The following SUDS3 variants were observed in gnomAD, a reference collection of about 807,000 sequenced individuals.
The protein encoded by SUDS3 is SIN3A corepressor complex component SDS3.
SUDS3 carries 23 observed loss-of-function variants against 53.5 expected under a neutral mutation model. That is an observed-to-expected ratio of 0.43 (90% CI 0.31 to 0.61). The LOEUF (loss-of-function observed/expected upper bound fraction) is 0.61, where lower values mean the gene tolerates loss of function less well. Among genes scored for constraint, SUDS3 ranks in the 20% least tolerant of loss-of-function variants. The pLI is 0.10. For synonymous variants in SUDS3, 150 were observed against 148.5 expected (o/e 1.01, Z -0.08); for missense variants, 291 against 405.9 (o/e 0.72, Z 2.43).
chr12:118,391,321 A>G, intron 6 of SUDS3, 39 bp downstream of exon 6: 2 of 1,568,604 alleles, frequency 1.3e-6, no homozygotes, highest in Non-Finnish European at 8.6e-7. Flanking sequence ...GGGGGCCCTG[A>G]GCGGGGGGGT....
chr12:118,382,548 G>C (rs1415067847), intron 2 of SUDS3, among the ~76,000 whole-genome samples: 1 of 151,816 alleles, frequency 6.6e-6, no homozygotes, highest in Non-Finnish European at 1.5e-5. Context: ...AAAATTTTTA[G>C]TAGAAACTAG....
In SUDS3 at chr12:118,399,515, A is replaced by T. The variant is rs150290326; in HGVS notation, c.518-1144A>T. 4.6e-4 allele frequency among the ~76,000 whole-genome samples: 70 copies of T among 152,162 alleles called. No homozygotes were observed. In the East Asian group the frequency reaches 0.013, roughly 28 times the overall value. On this transcript the variant is annotated intron_variant, in intron 6 of 11. Transcript: ENST00000543473. ...AGGCCCTGTCTTGAAAAAATAAGAA[A>T]TATTTAGTAACAAGAGTGATACACA...
At chr12:118,388,703 A>G (rs1479119874) in intron 4 of SUDS3, among the ~76,000 whole-genome samples, 2 of 152,162 alleles carry the variant, frequency 1.3e-5, no homozygotes, top group Non-Finnish European at 2.9e-5. Flanking sequence ...GGGAATGTGA[A>G]TAGGAGGTCA....
At chr12:118,405,470 T>A (rs770565785) in intron 10 of SUDS3, among the ~76,000 whole-genome samples, 9 of 152,252 alleles carry the variant, frequency 5.9e-5, no homozygotes, top group Non-Finnish European at 8.8e-5. Context: ...AGATTTGATG[T>A]GTTAGAACTC....
At position 118,414,449 on chromosome 12, in the gene SUDS3, T is replaced by C. The variant is rs2046383552; in HGVS notation, c.*16T>C. ...AGCTGCTTGACTTTCTACAGTGCTC[T>C]TCTCTTGACCCTTTTTCTGGAGTGG... On this transcript the variant is annotated 3_prime_UTR_variant, in exon 12 of 12. Transcript: ENST00000543473. 6.4e-7 allele frequency: 1 copy of C among 1,551,126 alleles called. No homozygotes were observed. Among genetic ancestry groups the C allele is most frequent in the Non-Finnish European group, 8.7e-7 (1 of 1,151,404 alleles).
chr12:118,402,035 A>G (rs774236310), intron 9 of SUDS3, 31 bp downstream of exon 9: 1 of 1,613,498 alleles, frequency 6.2e-7, no homozygotes, highest in African/African-American at 1.3e-5. Flanking sequence ...CATTTGTGCA[A>G]CCTTTTTATC....
chr12:118,391,742 A>G (rs1938578740), intron 6 of SUDS3, among the ~76,000 whole-genome samples: 1 of 152,154 alleles, frequency 6.6e-6, no homozygotes, highest in Non-Finnish European at 1.5e-5. Flanking sequence ...ATTACAGAAA[A>G]GGTATTGTCT....
At chr12:118,388,935 G>A (rs1011216927) in intron 4 of SUDS3, among the ~76,000 whole-genome samples, 4 of 152,152 alleles carry the variant, frequency 2.6e-5, no homozygotes, top group African/African-American at 9.7e-5. Context: ...CATCACCTGA[G>A]GTCAAAATTT....
rs1174968365 is a variant in SUDS3 at position 118,410,372 on chromosome 12, CAG to C, written c.804-698_804-697del. On this transcript the variant is annotated intron_variant, in intron 10 of 11. Coordinates refer to ENST00000543473, the MANE Select transcript of SUDS3 (RefSeq NM_022491.3). The stretch of plus-strand genomic sequence containing the variant: ...CTGGTGTGGGGTCAGAAAGGGGAAA[CAG>C]AGTTTTTATTTAACAATTTTTAATT... 4.6e-5 allele frequency among the ~76,000 whole-genome samples: 7 copies of C among 152,256 alleles called. No homozygotes were observed. In the East Asian group the frequency reaches 7.7e-4, roughly 17 times the overall value.
intron 6 of SUDS3, among the ~76,000 whole-genome samples, chr12:118,395,215 G>C (rs2046203014): frequency 7.4e-6 from 1 of 134,520 alleles, no homozygotes; most frequent in African/African-American, 2.9e-5. Context: ...GTGGAATCAG[G>C]GTTTTTTTTT....
intron 6 of SUDS3, among the ~76,000 whole-genome samples, chr12:118,392,190 G>A (rs574166224): frequency 6.6e-6 from 1 of 152,334 alleles, no homozygotes; most frequent in African/African-American, 2.4e-5. Flanking sequence ...CTTACAATTC[G>A]GAAAGTGCTG....
At chr12:118,376,937 G>A in intron 1 of SUDS3, 104 bp downstream of exon 1, 7 of 1,330,174 alleles carry the variant, frequency 5.3e-6, no homozygotes, top group Non-Finnish European at 6.8e-6. Flanking sequence ...GGGGCCTGGG[G>A]CTGCGTGGAG....
At chr12:118,377,237 TAA>T (rs1446701159) in intron 1 of SUDS3, among the ~76,000 whole-genome samples, 5 of 151,924 alleles carry the variant, frequency 3.3e-5, no homozygotes, top group African/African-American at 7.3e-5. Flanking sequence ...CCGAAATGCA[TAA>T]GTCATCTATA....
At chr12:118,413,002 G>C (rs902025810) in intron 11 of SUDS3, among the ~76,000 whole-genome samples, 1 of 152,196 alleles carries the variant, frequency 6.6e-6, no homozygotes, top group African/African-American at 2.4e-5. Flanking sequence ...CTCCAAGCAG[G>C]TTTGGTGGGT....
chr12:118,401,709 C>A, intron 7 of SUDS3, 50 bp from the exon 8 acceptor site: 2 of 1,474,756 alleles, frequency 1.4e-6, no homozygotes, highest in East Asian at 2.3e-5. Context: ...GTTGATTACT[C>A]TTTGCCTGGA....
At chr12:118,393,565 A>C (rs1397818086) in intron 6 of SUDS3, among the ~76,000 whole-genome samples, 2 of 152,146 alleles carry the variant, frequency 1.3e-5, no homozygotes, top group Non-Finnish European at 2.9e-5. Flanking sequence ...GTGCATCCCA[A>C]CTTCAATGTG....
chr12:118,407,193 A>G (rs1316821175), intron 10 of SUDS3, among the ~76,000 whole-genome samples: 1 of 152,020 alleles, frequency 6.6e-6, no homozygotes, highest in Admixed American at 6.6e-5. Context: ...AGCCCTGAAC[A>G]CTTTAATATC....
intron 10 of SUDS3, chr12:118,404,056 C>T (rs2046288562): frequency 6.6e-6 from 1 of 152,490 alleles, no homozygotes. Flanking sequence ...CATGATCCAG[C>T]TGCAAAAGTG....
At chr12:118,396,471 C>T (rs965659738) in intron 6 of SUDS3, among the ~76,000 whole-genome samples, 2 of 152,122 alleles carry the variant, frequency 1.3e-5, no homozygotes, top group African/African-American at 4.8e-5. Flanking sequence ...CCAGGCTGGT[C>T]TTGAACTCCT....
Sources: allele counts gnomAD v4.1 joint callset (sites outside exome capture counted in the v4.1 genomes callset), GRCh38; gene constraint gnomAD v4.1.1; transcripts MANE v1.5; gene names NCBI Gene and HGNC (gene_info 2026-07-23, HGNC 2026-07-21).